Variants in PDCD2 observed in about 807,000 individuals in gnomAD.
The protein encoded by PDCD2 is programmed cell death 2, also known as uS5 assembly chaperone PDCD2.
In PDCD2, 38 loss-of-function variants were observed where a neutral mutation model predicts 38.1. That is an observed-to-expected ratio of 1.00 (90% CI 0.77 to 1.31). The LOEUF (loss-of-function observed/expected upper bound fraction) is 1.31. Among genes scored for constraint, PDCD2 ranks in the 50% most tolerant of loss-of-function variants. The probability of loss-of-function intolerance (pLI) is 0.00; values close to 1 mark genes in which losing one functional copy is unlikely to be tolerated. For missense variants in PDCD2, 473 were observed against 435.7 expected, an observed-to-expected ratio of 1.09 and a Z score of -0.76; for synonymous variants, 205 against 168.9, an observed-to-expected ratio of 1.21 and a Z score of -1.66.
chr6:170,584,330 G>T lies in PDCD2; in HGVS notation c.252C>A (p.Cys84Ter). The change falls in exon 1 of 6, where the codon TGC (cysteine) becomes TGA (stop). Residue 84 changes from cysteine (C) to a stop codon, truncating the protein, a stop_gained. Transcript: ENST00000541970. LOFTEE classifies it high-confidence loss of function. ...GGCCGGCACAGCACGGCTGCTCGCG[G>T]CAGCAGAAGAGGAAGATGCAGCGGT... ...AFHRCIFLFCCREQPCCAGLR... is the reference protein window; with the variant it reads ...AFHRCIFLFC 6.7e-7 allele frequency: 1 copy of T among 1,500,652 alleles called. No homozygotes were observed. 93.0% of individuals were successfully genotyped at this position (1,500,652 alleles called of 1,614,324 possible).
At chr6:170,584,622 TCGGAAGGCGGAAATCGGGCGCCGGGC>T (rs1779763794) in exon 1 of PDCD2, 2 of 1,171,198 alleles carry the variant, frequency 1.7e-6, no homozygotes, top group Non-Finnish European at 2.2e-6. Flanking sequence ...CACAGCTGGG[TCGGAAGGCGGAAATCGGGCGCCGGGC>T]CGGAAGGCAA....
At chr6:170,583,803 T>A in intron 1 of PDCD2, 56 bp from the exon 2 acceptor site, 1 of 1,321,846 alleles carries the variant, frequency 7.6e-7, no homozygotes, top group Non-Finnish European at 1.1e-6. Context: ...AATTCACATA[T>A]TTTATCCTCT....
chr6:170,582,977 C>A, intron 3 of PDCD2, 80 bp downstream of exon 3: 4 of 1,536,906 alleles, frequency 2.6e-6, no homozygotes, highest in Non-Finnish European at 3.5e-6. Flanking sequence ...CTCTCAGTAC[C>A]TCTCTTCTAG....
At chr6:170,581,527 C>T (rs893409852) in intron 3 of PDCD2, 3 of 152,806 alleles carry the variant, frequency 2.0e-5, no homozygotes, top group Admixed American at 2.0e-4. Flanking sequence ...TTTGATATGA[C>T]CATGTTCCCA....
chr6:170,577,279 T>C lies in PDCD2; in HGVS notation c.*280A>G, dbSNP rs541353308. 2.5e-5 allele frequency: 7 copies of C among 279,144 alleles called. No individual in the cohort carries two copies. The highest frequency in any genetic ancestry group is 1.5e-4 in the African/African-American group (7 of 46,658). The allele number at this position is 279,144 out of a possible 1,614,324, so 17.3% of individuals were successfully genotyped here. ...ATACATACAAATATTTTTACAAGAA[T>C]AGGATCATACCATGAATACCACCTA... On this transcript the variant is annotated 3_prime_UTR_variant, in exon 6 of 6. Coordinates refer to ENST00000541970, the MANE Select transcript of PDCD2 (RefSeq NM_002598.4).
chr6:170,582,938 G>T (rs1348303256), intron 3 of PDCD2, 119 bp downstream of exon 3: 13 of 1,499,166 alleles, frequency 8.7e-6, no homozygotes, highest in Non-Finnish European at 1.1e-5. Context: ...TCTGAAAATT[G>T]TATGCTACAG....
intron 3 of PDCD2, chr6:170,582,760 C>T (rs530253401): frequency 9.4e-6 from 12 of 1,272,252 alleles, no homozygotes; most frequent in African/African-American, 4.6e-5. Flanking sequence ...TATCCCGACC[C>T]GAGAAACCGA....
Position 170,583,789 on chromosome 6 carries a change from C to T in PDCD2, c.284-42G>A, listed in dbSNP as rs144122185. 4,362 of 1,445,596 alleles carry T rather than the reference C, an allele frequency of 3.0e-3. 7 individuals carry two copies. Among genetic ancestry groups the T allele is most frequent in the Non-Finnish European group, 3.9e-3 (4,044 of 1,044,488 alleles). The allele number at this position is 1,445,596 out of a possible 1,614,324, so 89.5% of individuals were successfully genotyped here. ...AGAAAAGTTTTATCTTCAAACAAAA[C>T]AGCAATTCACATATTTTATCCTCTG... On this transcript the variant is annotated intron_variant, in intron 1 of 5. Transcript: ENST00000541970.
At position 170,584,358 on chromosome 6, in the gene PDCD2, A is replaced by C; in HGVS notation, c.224T>G (p.Phe75Cys). The change falls in exon 1 of 6, where the codon TTC becomes TGC. Residue 75 changes from phenylalanine (F) to cysteine (C), a missense_variant. Physicochemically the swap from Phe to Cys is radical, Grantham distance 205. Transcript: ENST00000541970. ...GCAGAAGAGGAAGATGCAGCGGTGG[A>C]AGGCGTCCGGGCGGCCAGGCAGCGG... ...YAPLPGRPDA[F>C]HRCIFLFCCR... 1 of 1,496,998 alleles carries C rather than the reference A, an allele frequency of 6.7e-7. No homozygotes were observed. The highest frequency in any genetic ancestry group is 1.4e-5 in the African/African-American group (1 of 69,204). The allele number at this position is 1,496,998 out of a possible 1,614,324, so 92.7% of individuals were successfully genotyped here.
intron 3 of PDCD2, chr6:170,581,669 C>T (rs1329688350): frequency 2.5e-5 from 4 of 160,000 alleles, no homozygotes; most frequent in Non-Finnish European, 4.2e-5. Flanking sequence ...CATCTCAGTT[C>T]TCAGTAACAC....
chr6:170,583,678 G>C lies in PDCD2; in HGVS notation c.353C>G (p.Pro118Arg). Residue 118 changes from proline to arginine, a missense_variant, in exon 2 of 6, where the codon CCA becomes CGA. Physicochemically the swap from Pro to Arg is moderately radical, Grantham distance 103. Transcript: ENST00000541970. ...GAGACACACTGATTCTCCTGTTTCTGGGGGAGGATTCTCAGAAGGTGGCTC... is the reference window on the plus strand; with the variant it reads ...GAGACACACTGATTCTCCTGTTTCTCGGGGAGGATTCTCAGAAGGTGGCTC... ...SYEPPSENPPPETGESVCLQL... is the reference protein window; with the variant it reads ...SYEPPSENPPRETGESVCLQL... 1 of 1,613,898 alleles carries C rather than the reference G, an allele frequency of 6.2e-7. No individual in the cohort carries two copies. Among genetic ancestry groups the C allele is most frequent in the African/African-American group, 1.3e-5 (1 of 75,016 alleles).
intron 1 of PDCD2, 63 bp downstream of exon 1, chr6:170,584,236 C>T (rs557630176): frequency 1.5e-6 from 2 of 1,317,442 alleles, no homozygotes; most frequent in African/African-American, 1.5e-5. Flanking sequence ...TGGTCGCTCC[C>T]GGAATTAACG....
intron 3 of PDCD2, chr6:170,582,351 G>A (rs1779634962): frequency 6.5e-6 from 10 of 1,532,772 alleles, no homozygotes; most frequent in African/African-American, 1.4e-5. Flanking sequence ...AAACCAGTAA[G>A]CTGATGTTTT....
In PDCD2 at chr6:170,577,707, T is replaced by G; in HGVS notation, c.887A>C (p.Gln296Pro). Residue 296 changes from glutamine (Q) to proline (P), a missense_variant, in exon 6 of 6, where the codon CAG (glutamine) becomes CCG (proline). Physicochemically the swap from Gln to Pro is moderately conservative, Grantham distance 76. Transcript: ENST00000541970. ...KRILEFQVMP[Q>P]LLNYLKADRL... The stretch of plus-strand genomic sequence containing the variant: ...GTCAGCCTTCAGGTAGTTTAGGAGC[T>G]GAGGCATGACCTGAGAAGAGGGTGA... The G allele has an allele frequency of 1.2e-6, 2 of 1,612,666 alleles. No homozygotes were observed. Among genetic ancestry groups the G allele is most frequent in the Non-Finnish European group, 1.7e-6 (2 of 1,179,986 alleles).
At chr6:170,582,718 T>C in intron 3 of PDCD2, 1 of 1,231,972 alleles carries the variant, frequency 8.1e-7, no homozygotes, top group Non-Finnish European at 1.0e-6. Context: ...GGGGCCCTTC[T>C]GCGTGCCCGA....
chr6:170,584,025 C>T (rs542301823), intron 1 of PDCD2: 2 of 545,376 alleles, frequency 3.7e-6, no homozygotes, highest in Admixed American at 7.2e-5. Context: ...CTTTCCAAGA[C>T]AATTTCTATT....
At position 170,578,851 on chromosome 6, in the gene PDCD2, T is replaced by TCATA; in HGVS notation, c.876+2_876+5dup. ...CACACTAAATGGTCCTTATTTAAGG[T>TCATA]CATACCTGGAATTCCAATATTCTCT... On this transcript the variant is annotated splice_donor_region_variant and intron_variant, in intron 5 of 5. Coordinates refer to ENST00000541970, the MANE Select transcript of PDCD2 (RefSeq NM_002598.4). 1 of 1,514,536 alleles carries TCATA rather than the reference T, an allele frequency of 6.6e-7. No individual in the cohort carries two copies. The highest frequency in any genetic ancestry group is 1.4e-5 in the African/African-American group (1 of 72,926). The allele number at this position is 1,514,536 out of a possible 1,614,324, so 93.8% of individuals were successfully genotyped here. A position where few individuals can be genotyped will look rare whatever the true frequency, so the allele number is the denominator to read the frequency against.
Position 170,584,539 on chromosome 6 carries a change from C to A in PDCD2, c.43G>T (p.Glu15Ter). Residue 15 changes from glutamate to a stop codon, truncating the protein, a stop_gained, in exon 1 of 6, where the codon GAG becomes TAG. Coordinates refer to ENST00000541970, the MANE Select transcript of PDCD2 (RefSeq NM_002598.4). LOFTEE classifies it high-confidence loss of function. The part of the protein sequence containing the change: ...GARPVELGFA[E>*]SAPAWRLRSE... ...CGCAGTCGCCACGCCGGCGCCGACT[C>A]GGCGAAGCCCAGCTCCACAGGCCTG... is the stretch of plus-strand genomic sequence containing the variant. The A allele has an allele frequency of 1.5e-6, 2 of 1,361,412 alleles. No homozygotes were observed. The highest frequency in any genetic ancestry group is 1.9e-6 in the Non-Finnish European group (2 of 1,059,262). The allele number at this position is 1,361,412 out of a possible 1,614,324, so 84.3% of individuals were successfully genotyped here. A position where few individuals can be genotyped will look rare whatever the true frequency, so the allele number is the denominator to read the frequency against.
chr6:170,580,076 T>C lies in PDCD2; in HGVS notation c.688A>G (p.Met230Val), dbSNP rs376751655. The change falls in exon 4 of 6, where the codon ATG becomes GTG. Residue 230 changes from methionine to valine, a missense_variant. Coordinates refer to ENST00000541970, the MANE Select transcript of PDCD2 (RefSeq NM_002598.4). ...TCTTCCCTGGATTCATGTTTTGCCA[T>C]GGAATCCAGTTCTTCCTCAAGTGCT... ...GEALEEELDS[M>V]AKHESREDKI... The C allele has an allele frequency of 3.4e-5, 55 of 1,610,962 alleles. No individual in the cohort carries two copies. Among genetic ancestry groups the C allele is most frequent in the Non-Finnish European group, 4.4e-5 (52 of 1,177,682 alleles).
Sources: allele counts gnomAD v4.1 joint callset, GRCh38; gene constraint gnomAD v4.1.1; transcripts MANE v1.5; gene names NCBI Gene and HGNC (gene_info 2026-07-23, HGNC 2026-07-21).